LTBP1: variants seen among roughly 807,000 people sequenced by gnomAD.
LTBP1 encodes the protein latent-transforming growth factor beta-binding protein 1.
In LTBP1, 129 loss-of-function variants were observed where a neutral mutation model predicts 207.6. The observed-to-expected ratio is 0.62, with a 90% CI of 0.54 to 0.72. The LOEUF (loss-of-function observed/expected upper bound fraction) is 0.72. Ranked by LOEUF, LTBP1 falls within the 30% of genes least tolerant of loss-of-function variation. The pLI, the probability that LTBP1 is intolerant of heterozygous loss-of-function variation, is 0.00. For synonymous variants in LTBP1, 963 were observed against 833.7 expected, an observed-to-expected ratio of 1.16 and a Z score of -2.67; for missense variants, 2,281 against 2,217.2, an observed-to-expected ratio of 1.03 and a Z score of -0.58.
chr2:33,156,678 CTATA>C (rs1257301601), intron 5 of LTBP1, among the ~76,000 whole-genome samples: 1 of 152,006 alleles, frequency 6.6e-6, no homozygotes, highest in Non-Finnish European at 1.5e-5. Context: ...CAAAATGCAA[CTATA>C]TAACTATACA....
intron 7 of LTBP1, among the ~76,000 whole-genome samples, chr2:33,212,838 G>A (rs893397426): frequency 1.3e-5 from 2 of 152,160 alleles, no homozygotes; most frequent in Non-Finnish European, 2.9e-5. Flanking sequence ...TTTAGATTTT[G>A]TACTTTTGGA....
chr2:33,333,456 A>G (rs1438543771), intron 24 of LTBP1, among the ~76,000 whole-genome samples: 1 of 152,258 alleles, frequency 6.6e-6, no homozygotes, highest in Non-Finnish European at 1.5e-5. Context: ...CTCAGGCTAG[A>G]GCAGTGGCAA....
intron 3 of LTBP1, among the ~76,000 whole-genome samples, chr2:33,053,396 C>T (rs2076839844): frequency 6.6e-6 from 1 of 152,154 alleles, no homozygotes; most frequent in South Asian, 2.1e-4. Context: ...TGGTTTTGTA[C>T]ATTCTGTGGG....
At chr2:33,207,764 C>CATAG (rs2089991979) in intron 7 of LTBP1, among the ~76,000 whole-genome samples, 1 of 152,150 alleles carries the variant, frequency 6.6e-6, no homozygotes, top group African/African-American at 2.4e-5. Flanking sequence ...CTTTTTGATG[C>CATAG]ATAGAAATAA....
chr2:33,286,290 C>G (rs2093663583), intron 19 of LTBP1, among the ~76,000 whole-genome samples: 1 of 152,210 alleles, frequency 6.6e-6, no homozygotes, highest in African/African-American at 2.4e-5. Context: ...TACTTGACAA[C>G]TGATTAGCTA....
In LTBP1 at chr2:33,366,728, G is replaced by A. The variant is rs542809570; in HGVS notation, c.4711+1225G>A. On this transcript the variant is annotated intron_variant, in intron 31 of 33. Coordinates refer to ENST00000404816, the MANE Select transcript of LTBP1 (RefSeq NM_206943.4). ...TCTGTCCTGTTGGGTTGTTGCAAGG[G>A]CTGGGAGGATGTAGGTAGAGCAGGG... is the stretch of plus-strand genomic sequence containing the variant. Among the ~76,000 whole-genome samples the A allele has an allele frequency of 3.3e-5, 5 of 152,334 alleles. No homozygotes were observed. In the South Asian group the frequency reaches 6.2e-4, roughly 19 times the overall value.
Position 33,399,115 on chromosome 2 carries a change from C to T in LTBP1, c.*570C>T, listed in dbSNP as rs2095384215. 6.6e-6 allele frequency: 1 copy of T among 152,612 alleles called. No individual in the cohort carries two copies. The highest frequency in any genetic ancestry group is 6.5e-5 in the Admixed American group (1 of 15,272). The allele number at this position is 152,612 out of a possible 1,614,324, so 9.5% of individuals were successfully genotyped here. On this transcript the variant is annotated 3_prime_UTR_variant, in exon 34 of 34. Transcript: ENST00000404816. ...AGCAGGCAGTGATTTTGTTCCAAAA[C>T]TTTGTATACACATTTGGAGAAAAGT... is the stretch of plus-strand genomic sequence containing the variant.
chr2:33,224,503 T>C (rs2091320332), intron 9 of LTBP1, among the ~76,000 whole-genome samples: 2 of 152,236 alleles, frequency 1.3e-5, no homozygotes, highest in Non-Finnish European at 2.9e-5. Context: ...TAGATAGTTT[T>C]ATGGTGTTAT....
chr2:33,142,018 T>TA (rs1263388279), intron 5 of LTBP1, among the ~76,000 whole-genome samples: 1 of 152,174 alleles, frequency 6.6e-6, no homozygotes, highest in Non-Finnish European at 1.5e-5. Flanking sequence ...GTCTTAGATT[T>TA]AAAAAAGGTT....
intron 3 of LTBP1, among the ~76,000 whole-genome samples, chr2:33,090,031 C>T (rs896516196): frequency 4.6e-5 from 7 of 152,156 alleles, no homozygotes; most frequent in African/African-American, 7.2e-5. Context: ...GTTGATGTTA[C>T]GTGTTTTATA....
At chr2:33,191,617 T>C (rs886185480) in intron 7 of LTBP1, among the ~76,000 whole-genome samples, 6 of 152,222 alleles carry the variant, frequency 3.9e-5, no homozygotes, top group Middle Eastern at 3.2e-3. Flanking sequence ...TATCCTACTA[T>C]CCTACAAAGG....
chr2:33,160,750 A>G (rs746607623), intron 5 of LTBP1, among the ~76,000 whole-genome samples: 17 of 152,180 alleles, frequency 1.1e-4, no homozygotes, highest in Non-Finnish European at 1.6e-4. Flanking sequence ...TTCTTAACTC[A>G]GGGATAGAAG....
At chr2:33,397,506 C>CTTTTTTT (rs35219261) in intron 33 of LTBP1, among the ~76,000 whole-genome samples, 5 of 112,120 alleles carry the variant, frequency 4.5e-5, no homozygotes, top group Admixed American at 1.1e-4. Flanking sequence ...TACCACAATT[C>CTTTTTTT]TTTTTTTTTT....
At chr2:33,275,951 C>A (rs2093417685) in intron 18 of LTBP1, 28 bp downstream of exon 18, 1 of 1,547,768 alleles carries the variant, frequency 6.5e-7, no homozygotes, top group Non-Finnish European at 8.7e-7. Flanking sequence ...GTTCAGCACA[C>A]ATGACGGTGA....
chr2:33,352,520 CAT>C (rs1439326295), intron 26 of LTBP1, among the ~76,000 whole-genome samples: 1 of 152,138 alleles, frequency 6.6e-6, no homozygotes, highest in African/African-American at 2.4e-5. Flanking sequence ...AGCAGTCCAT[CAT>C]AATATCCTGC....
At chr2:33,071,999 C>T (rs1459383326) in intron 3 of LTBP1, among the ~76,000 whole-genome samples, 2 of 150,958 alleles carry the variant, frequency 1.3e-5, no homozygotes, top group African/African-American at 2.4e-5. Flanking sequence ...GAGACAGCAT[C>T]GGATCCCACA....
chr2:33,185,475 T>G (rs529430066), intron 5 of LTBP1, among the ~76,000 whole-genome samples: 32 of 152,290 alleles, frequency 2.1e-4, no homozygotes, highest in African/African-American at 7.7e-4. Flanking sequence ...AATAAAAATT[T>G]GGGTGACATC....
At chr2:33,041,847 C>G (rs564131870) in intron 3 of LTBP1, among the ~76,000 whole-genome samples, 1 of 152,266 alleles carries the variant, frequency 6.6e-6, no homozygotes, top group South Asian at 2.1e-4. Context: ...CCAGATGCAT[C>G]TAGTTGCATT....
At chr2:33,237,322 A>G (rs1420801390) in intron 9 of LTBP1, among the ~76,000 whole-genome samples, 5 of 152,230 alleles carry the variant, frequency 3.3e-5, no homozygotes, top group East Asian at 3.8e-4. Flanking sequence ...TTTCTCAAAC[A>G]TATTTGGCTG....
Sources: gnomAD v4.1 joint callset for allele counts (sites outside exome capture counted in the v4.1 genomes callset) on GRCh38, gnomAD v4.1.1 for gene constraint, MANE v1.5 for transcripts, NCBI Gene and HGNC (gene_info 2026-07-23, HGNC 2026-07-21) for gene names.